Variants in ASCC3 observed in about 807,000 individuals in gnomAD.
ASCC3 encodes activating signal cointegrator 1 complex subunit 3.
A neutral mutation model predicts 256.3 loss-of-function variants in ASCC3; 158 were observed. The ratio of observed to expected loss-of-function variants is 0.62; its 90% confidence interval spans 0.54 to 0.70. The LOEUF is 0.70. ASCC3 is among the 30% of genes least tolerant of loss of function. The pLI, the probability that ASCC3 is intolerant of heterozygous loss-of-function variation, is 0.00. For synonymous variants in ASCC3, 948 were observed against 883.4 expected (o/e 1.07, Z -1.30); for missense variants, 2,259 against 2,626.0 (o/e 0.86, Z 3.05).
chr6:100,813,318 C>T (rs747504194), intron 4 of ASCC3, among the ~76,000 whole-genome samples: 2 of 151,938 alleles, frequency 1.3e-5, no homozygotes, highest in Non-Finnish European at 2.9e-5. Context: ...TTTAGCTGGG[C>T]TTGGTGGCGC....
chr6:100,642,454 A>C (rs955256167), intron 24 of ASCC3, 127 bp downstream of exon 24: 1 of 951,478 alleles, frequency 1.1e-6, no homozygotes, highest in Non-Finnish European at 1.6e-6. Context: ...ATGAAATAAA[A>C]AGGGAGTTAT....
chr6:100,701,708 C>T (rs756602544), intron 13 of ASCC3, among the ~76,000 whole-genome samples: 17 of 151,732 alleles, frequency 1.1e-4, no homozygotes, highest in South Asian at 1.0e-3. Context: ...GCTGGAATTA[C>T]GAATAAGATA....
intron 24 of ASCC3, 59 bp downstream of exon 24, chr6:100,642,522 T>G: frequency 6.4e-7 from 1 of 1,565,692 alleles, no homozygotes. Context: ...TTTTTCAACA[T>G]TAATTAAAAC....
At chr6:100,518,255 T>C (rs1457123460) in intron 37 of ASCC3, 113 bp from the exon 38 acceptor site, 1 of 1,123,530 alleles carries the variant, frequency 8.9e-7, no homozygotes, top group Admixed American at 2.0e-5. Context: ...ATTGTATCTC[T>C]AAATTACTAT....
chr6:100,775,549 T>C (rs1051830043), intron 8 of ASCC3, among the ~76,000 whole-genome samples: 2 of 152,084 alleles, frequency 1.3e-5, no homozygotes, highest in Non-Finnish European at 2.9e-5. Context: ...TTTATCTTGT[T>C]CGGTAAGTAT....
At chr6:100,705,758 A>C (rs1422468594) in intron 13 of ASCC3, among the ~76,000 whole-genome samples, 1 of 152,018 alleles carries the variant, frequency 6.6e-6, no homozygotes, top group Non-Finnish European at 1.5e-5. Context: ...TGTACACTGT[A>C]TTACTAAAAC....
In ASCC3 at chr6:100,589,812, T is replaced by C. The variant is rs1326679844; in HGVS notation, c.5416-44A>G. 3 of 1,610,680 alleles carry C rather than the reference T, an allele frequency of 1.9e-6. No individual in the cohort carries two copies. In the South Asian group the frequency reaches 3.3e-5, roughly 18 times the overall value. On this transcript the variant is annotated intron_variant, in intron 35 of 41. Transcript: ENST00000369162. ...AAATGAAGAGTACGATGAAAGTACA[T>C]ATCTTTATAAAATTAATAATTCAGA...
At chr6:100,740,573 C>T (rs181212846) in intron 10 of ASCC3, among the ~76,000 whole-genome samples, 60 of 152,304 alleles carry the variant, frequency 3.9e-4, no homozygotes, top group African/African-American at 1.4e-3. Context: ...ATCTAAGTCT[C>T]TCTGTAGGTC....
chr6:100,691,637 G>GA lies in ASCC3; in HGVS notation c.2152-11886dup, dbSNP rs1401030650. On this transcript the variant is annotated intron_variant, in intron 13 of 41. Coordinates refer to ENST00000369162, the MANE Select transcript of ASCC3 (RefSeq NM_006828.4). ...TATTTGGTATTTATAACATACAGAAGAAAATAAAGATAATCATACACGTTA... is the reference window on the plus strand; with the variant it reads ...TATTTGGTATTTATAACATACAGAAGAAAAATAAAGATAATCATACACGTTA... Among the ~76,000 whole-genome samples, 278 of 151,896 alleles carry GA rather than the reference G, an allele frequency of 1.8e-3. 1 individual carries two copies. Among genetic ancestry groups the GA allele is most frequent in the African/African-American group, 6.3e-3 (262 of 41,460 alleles).
At chr6:100,608,940 T>A (rs904256313) in intron 30 of ASCC3, among the ~76,000 whole-genome samples, 1 of 148,080 alleles carries the variant, frequency 6.8e-6, no homozygotes, top group Non-Finnish European at 1.5e-5. Context: ...ATTTTTTGTA[T>A]TTTTAGTAGA....
At chr6:100,834,687 AAAC>A (rs1771790323) in intron 4 of ASCC3, among the ~76,000 whole-genome samples, 1 of 152,162 alleles carries the variant, frequency 6.6e-6, no homozygotes, top group African/African-American at 2.4e-5. Flanking sequence ...AGCACATTAC[AAAC>A]AACTTTATAG....
intron 8 of ASCC3, among the ~76,000 whole-genome samples, chr6:100,769,599 A>T (rs1166577798): frequency 6.6e-6 from 1 of 151,820 alleles, no homozygotes; most frequent in Non-Finnish European, 1.5e-5. Flanking sequence ...AAGAAAATCA[A>T]AACCAAAGCA....
chr6:100,735,721 T>C (rs747969503), intron 10 of ASCC3, among the ~76,000 whole-genome samples: 2 of 152,102 alleles, frequency 1.3e-5, no homozygotes, highest in African/African-American at 4.8e-5. Context: ...GACAATAAGA[T>C]CTCTACATAC....
chr6:100,748,226 TA>T (rs1455047595), intron 10 of ASCC3, among the ~76,000 whole-genome samples: 2 of 151,886 alleles, frequency 1.3e-5, no homozygotes, highest in Non-Finnish European at 2.9e-5. Flanking sequence ...CTTTGAATTG[TA>T]AGAGCCAGGC....
At chr6:100,650,102 C>T (rs908068972) in intron 20 of ASCC3, among the ~76,000 whole-genome samples, 1 of 151,346 alleles carries the variant, frequency 6.6e-6, no homozygotes, top group Non-Finnish European at 1.5e-5. Flanking sequence ...GTTTACTACG[C>T]CTTGTTTAAT....
At chr6:100,743,211 G>T (rs1049686603) in intron 10 of ASCC3, among the ~76,000 whole-genome samples, 2 of 152,076 alleles carry the variant, frequency 1.3e-5, no homozygotes, top group African/African-American at 4.8e-5. Context: ...GCCACTCTTG[G>T]GTGGGCCATC....
chr6:100,834,040 T>G (rs1377708934), intron 4 of ASCC3, among the ~76,000 whole-genome samples: 1 of 152,172 alleles, frequency 6.6e-6, no homozygotes, highest in East Asian at 1.9e-4. Context: ...CACCCCAGCC[T>G]GGGTGACAGT....
intron 34 of ASCC3, among the ~76,000 whole-genome samples, chr6:100,598,172 T>C (rs1562151838): frequency 6.6e-6 from 1 of 151,732 alleles, no homozygotes; most frequent in Admixed American, 6.6e-5. Flanking sequence ...ACGGTGTGGG[T>C]TAATATCTAC....
chr6:100,685,043 G>A (rs907435979), intron 13 of ASCC3, among the ~76,000 whole-genome samples: 9 of 152,038 alleles, frequency 5.9e-5, no homozygotes, highest in Admixed American at 4.6e-4. Context: ...TCCTGACCTC[G>A]TGATCCGCCA....
Sources: allele counts gnomAD v4.1 joint callset (sites outside exome capture counted in the v4.1 genomes callset), GRCh38; gene constraint gnomAD v4.1.1; transcripts MANE v1.5; gene names NCBI Gene and HGNC (gene_info 2026-07-23, HGNC 2026-07-21).